PLCH1: variants seen among roughly 807,000 people sequenced by gnomAD.
PLCH1 encodes 1-phosphatidylinositol 4,5-bisphosphate phosphodiesterase eta-1.
PLCH1 carries 60 observed loss-of-function variants against 126.7 expected under a neutral mutation model. The observed-to-expected ratio is 0.47, with a 90% CI of 0.38 to 0.59. PLCH1 has a LOEUF of 0.59. Among genes scored for constraint, PLCH1 ranks in the 20% least tolerant of loss-of-function variants. The pLI is 0.00. For synonymous variants in PLCH1, 719 were observed against 734.9 expected, an observed-to-expected ratio of 0.98 and a Z score of 0.35; for missense variants, 1,723 against 2,040.0, an observed-to-expected ratio of 0.84 and a Z score of 2.99.
At chr3:155,641,767 T>C (rs1465591228) in intron 2 of PLCH1, among the ~76,000 whole-genome samples, 13 of 152,098 alleles carry the variant, frequency 8.5e-5, no homozygotes. Context: ...TTAAACTTTT[T>C]AAAATCTCAA....
chr3:155,710,603 T>G (rs1577353485), intron 1 of PLCH1, among the ~76,000 whole-genome samples: 1 of 151,998 alleles, frequency 6.6e-6, no homozygotes, highest in Non-Finnish European at 1.5e-5. Flanking sequence ...GAGGCCGAGG[T>G]GGGCAGATCA....
intron 19 of PLCH1, among the ~76,000 whole-genome samples, chr3:155,490,362 G>C (rs1205766967): frequency 2.0e-5 from 3 of 152,098 alleles, no homozygotes; most frequent in African/African-American, 4.8e-5. Flanking sequence ...ACTATATTGT[G>C]CTTGCCTTTA....
intron 21 of PLCH1, among the ~76,000 whole-genome samples, chr3:155,460,264 C>A (rs1712659680): frequency 6.6e-6 from 1 of 152,108 alleles, no homozygotes; most frequent in African/African-American, 2.4e-5. Flanking sequence ...ACATTTATTT[C>A]TTTAATCCTT....
At chr3:155,733,219 C>G (rs1748900247) in intron 1 of PLCH1, among the ~76,000 whole-genome samples, 1 of 151,974 alleles carries the variant, frequency 6.6e-6, no homozygotes, top group African/African-American at 2.4e-5. Context: ...AGAAAAACAC[C>G]TAAAATTCAT....
intron 1 of PLCH1, among the ~76,000 whole-genome samples, chr3:155,725,653 TGG>T: frequency 6.6e-6 from 1 of 152,248 alleles, no homozygotes; most frequent in East Asian, 1.9e-4. Context: ...TTGGCCGGGC[TGG>T]TCTTGAACTC....
chr3:155,690,842 T>G (rs574469614), intron 2 of PLCH1, among the ~76,000 whole-genome samples: 24 of 152,344 alleles, frequency 1.6e-4, no homozygotes, highest in African/African-American at 5.8e-4. Context: ...TACTTAATCA[T>G]CTGAGGACCT....
At chr3:155,731,925 A>G (rs1374890254) in intron 1 of PLCH1, among the ~76,000 whole-genome samples, 2 of 149,062 alleles carry the variant, frequency 1.3e-5, no homozygotes, top group African/African-American at 4.9e-5. Context: ...TAAGGCTGCA[A>G]TGAGCCAAGA....
intron 1 of PLCH1, among the ~76,000 whole-genome samples, chr3:155,726,063 T>C (rs17415195): frequency 0.09 from 13,745 of 152,232 alleles, 858 homozygotes; most frequent in Middle Eastern, 0.13. Context: ...TCCCAAACTA[T>C]ACAAGAATTT....
intron 21 of PLCH1, among the ~76,000 whole-genome samples, chr3:155,463,390 T>C (rs1172311277): frequency 1.3e-5 from 2 of 152,224 alleles, no homozygotes; most frequent in African/African-American, 4.8e-5. Context: ...TAAGTCCTTA[T>C]TATCATAACA....
At chr3:155,476,821 C>G (rs1713565846), downstream of PLCH1, among the ~76,000 whole-genome samples, 1 of 151,878 alleles carries the variant, frequency 6.6e-6, no homozygotes, top group African/African-American at 2.4e-5. Context: ...AATATCCACA[C>G]TACCCAAAGC....
chr3:155,454,515 A>T (rs1712391259), intron 21 of PLCH1, among the ~76,000 whole-genome samples: 1 of 152,170 alleles, frequency 6.6e-6, no homozygotes, highest in Admixed American at 6.5e-5. Context: ...AAAAGAAAAA[A>T]GAAAGTTACA....
intron 2 of PLCH1, among the ~76,000 whole-genome samples, chr3:155,618,648 A>G (rs1178096689): frequency 6.6e-6 from 1 of 151,940 alleles, no homozygotes; most frequent in Non-Finnish European, 1.5e-5. Context: ...ATGGTATCTG[A>G]TCTTCTTTTT....
At chr3:155,729,538 G>T (rs150604180) in intron 1 of PLCH1, among the ~76,000 whole-genome samples, 1 of 152,172 alleles carries the variant, frequency 6.6e-6, no homozygotes, top group Non-Finnish European at 1.5e-5. Context: ...AACAGTAGAT[G>T]CTCAAATCTC....
In PLCH1 at chr3:155,482,622, C is replaced by T; in HGVS notation, c.3404G>A (p.Gly1135Asp). 1 of 1,614,192 alleles carries T rather than the reference C, an allele frequency of 6.2e-7. No homozygotes were observed. The highest frequency in any genetic ancestry group is 8.5e-7 in the Non-Finnish European group (1 of 1,180,022). Residue 1135 changes from glycine to aspartate, a missense_variant, in exon 23 of 23, where the codon GGT (glycine) becomes GAT (aspartate). Transcript: ENST00000460012. ...AAAGGATGTTGCAGCTCGGCCCTTA[C>T]CCCTATTACCTTCCAGGTTCTTAAT... is the stretch of plus-strand genomic sequence containing the variant. ...LEIKNLEGNRGKGRAATSFSL... is the reference protein window; with the variant it reads ...LEIKNLEGNRDKGRAATSFSL...
At chr3:155,570,590 A>C (rs1156530057) in intron 6 of PLCH1, among the ~76,000 whole-genome samples, 2 of 152,210 alleles carry the variant, frequency 1.3e-5, no homozygotes, top group Non-Finnish European at 2.9e-5. Context: ...ACACAATCTT[A>C]AATAATTCTT....
intron 2 of PLCH1, among the ~76,000 whole-genome samples, chr3:155,692,497 G>A (rs1745467583): frequency 6.6e-6 from 1 of 150,880 alleles, no homozygotes; most frequent in Non-Finnish European, 1.5e-5. Context: ...GAAACATCTG[G>A]GTCCCATGTT....
intron 21 of PLCH1, among the ~76,000 whole-genome samples, chr3:155,458,542 A>G (rs1467527434): frequency 1.7e-4 from 24 of 141,480 alleles, no homozygotes; most frequent in African/African-American, 6.8e-4. Context: ...AAGAAAAAGA[A>G]AAAGAAAGAA....
rs1450550595 is a variant in PLCH1 at position 155,482,789 on chromosome 3, C to G, written c.3237G>C (p.Lys1079Asn). 4 of 1,614,124 alleles carry G rather than the reference C, an allele frequency of 2.5e-6. No homozygotes were observed. In the Middle Eastern group the frequency reaches 4.9e-4, roughly 200 times the overall value. ...CTACAGGATCGGGAGCCAAATGCTGCTTTGGGGAGAGAGACTTGCTGGGAC... is the reference window on the plus strand; with the variant it reads ...CTACAGGATCGGGAGCCAAATGCTGGTTTGGGGAGAGAGACTTGCTGGGAC... ...NPCPSKSLSP[K>N]QHLAPDPVVN... Residue 1079 changes from lysine (K) to asparagine (N), a missense_variant, in exon 23 of 23, where the codon AAG becomes AAC. By Grantham distance (94) the Lys-to-Asn change is moderately conservative (BLOSUM62 0). Coordinates refer to ENST00000460012, the MANE Select transcript of PLCH1 (RefSeq NM_014996.4).
At chr3:155,585,022 G>A (rs982246566) in intron 5 of PLCH1, among the ~76,000 whole-genome samples, 1 of 152,090 alleles carries the variant, frequency 6.6e-6, no homozygotes, top group South Asian at 2.1e-4. Context: ...TAATTCATTT[G>A]CCCTCCAAAG....
Sources: gnomAD v4.1 joint callset for allele counts (sites outside exome capture counted in the v4.1 genomes callset) on GRCh38, gnomAD v4.1.1 for gene constraint, MANE v1.5 for transcripts, NCBI Gene and HGNC (gene_info 2026-07-23, HGNC 2026-07-21) for gene names.